The following SLC35F4 variants were observed in gnomAD, a reference collection of about 807,000 sequenced individuals.
The protein encoded by SLC35F4 is solute carrier family 35 member F4.
Under a neutral mutation model 44.2 loss-of-function variants are expected in SLC35F4, and 24 were observed. The ratio of observed to expected loss-of-function variants is 0.54; its 90% CI spans 0.39 to 0.76. The LOEUF is 0.76. SLC35F4 is among the 30% of genes least tolerant of loss of function. The pLI is 0.00. For synonymous variants in SLC35F4, 238 were observed against 223.6 expected (o/e 1.06, Z -0.57); for missense variants, 562 against 586.1 (o/e 0.96, Z 0.42).
Position 57,589,517 on chromosome 14 carries a change from G to T in SLC35F4, c.290-4C>A. 1.3e-6 allele frequency: 2 copies of T among 1,596,236 alleles called. No homozygotes were observed. The highest frequency in any genetic ancestry group is 1.7e-6 in the Non-Finnish European group (2 of 1,172,670). On this transcript the variant is annotated splice_region_variant and splice_polypyrimidine_tract_variant and intron_variant, in intron 2 of 7. Coordinates refer to ENST00000556826, the MANE Select transcript of SLC35F4 (RefSeq NM_001306087.2). ...TGAGTCTGTGTCCCATCGTCTGCTGGAAACAGGAAAGGAATACAAATGTGA... is the reference window on the plus strand; with the variant it reads ...TGAGTCTGTGTCCCATCGTCTGCTGTAAACAGGAAAGGAATACAAATGTGA...
intron 5 of SLC35F4, among the ~76,000 whole-genome samples, chr14:57,570,981 T>C (rs1190109): frequency 0.22 from 33,715 of 152,028 alleles, 3,908 homozygotes; most frequent in East Asian, 0.32. Context: ...TTTGTCAAGC[T>C]TGTCACACAG....
At chr14:57,577,065 C>T (rs756283818) in intron 4 of SLC35F4, among the ~76,000 whole-genome samples, 1 of 152,140 alleles carries the variant, frequency 6.6e-6, no homozygotes, top group African/African-American at 2.4e-5. Flanking sequence ...CATGGAAGCT[C>T]TGGGCAGAGA....
At chr14:57,677,747 T>C (rs72711176) in intron 1 of SLC35F4, among the ~76,000 whole-genome samples, 2,819 of 151,964 alleles carry the variant, frequency 0.019, 51 homozygotes, top group Non-Finnish European at 0.029. Flanking sequence ...AATGATACAC[T>C]GTGGAAAATA....
At chr14:57,964,985 A>T (rs968245437) in intron 1 of SLC35F4, among the ~76,000 whole-genome samples, 1,441 of 130,856 alleles carry the variant, frequency 0.011, 19 homozygotes, top group African/African-American at 0.037. Context: ...AAAAAAAAAA[A>T]AAAAAAATAT....
intron 1 of SLC35F4, among the ~76,000 whole-genome samples, chr14:57,875,037 G>A (rs888275472): frequency 6.6e-6 from 1 of 152,020 alleles, no homozygotes; most frequent in Non-Finnish European, 1.5e-5. Flanking sequence ...GTAAATGGAT[G>A]GAATTATATA....
intron 1 of SLC35F4, among the ~76,000 whole-genome samples, chr14:57,871,431 A>G (rs1313141301): frequency 6.6e-6 from 1 of 152,184 alleles, no homozygotes; most frequent in Non-Finnish European, 1.5e-5. Context: ...GATTTTTTTA[A>G]ACCCTTTTGA....
chr14:57,612,102 G>A (rs1443712198), intron 1 of SLC35F4, among the ~76,000 whole-genome samples: 1 of 152,162 alleles, frequency 6.6e-6, no homozygotes, highest in African/African-American at 2.4e-5. Flanking sequence ...ACCAAAGTTT[G>A]AGGCCAGATG....
intron 1 of SLC35F4, among the ~76,000 whole-genome samples, chr14:57,719,160 G>A (rs2076017564): frequency 6.6e-6 from 1 of 152,066 alleles, no homozygotes; most frequent in Non-Finnish European, 1.5e-5. Context: ...GTGTGGCTCT[G>A]TTTCTGGCTT....
chr14:57,945,348 T>A (rs1410457316), intron 1 of SLC35F4, among the ~76,000 whole-genome samples: 2 of 151,700 alleles, frequency 1.3e-5, no homozygotes, highest in African/African-American at 4.9e-5. Flanking sequence ...AGCTGCTGCC[T>A]AAGCGGAAAT....
chr14:57,631,419 G>T (rs190363964), intron 1 of SLC35F4, among the ~76,000 whole-genome samples: 323 of 152,102 alleles, frequency 2.1e-3, no homozygotes, highest in Non-Finnish European at 3.8e-3. Flanking sequence ...AAAGTTTAAG[G>T]GGCATTGTTG....
chr14:57,706,347 A>G (rs2075675852), intron 1 of SLC35F4, among the ~76,000 whole-genome samples: 1 of 152,202 alleles, frequency 6.6e-6, no homozygotes, highest in South Asian at 2.1e-4. Context: ...TCTATAGGAA[A>G]AAGCTGAAAA....
rs111837993 is a variant in SLC35F4, at chr14:57,708,068, C to T, written c.104-113944G>A. Among the ~76,000 whole-genome samples the T allele has an allele frequency of 2.6e-5, 4 of 152,304 alleles. 1 individual carries two copies. Among genetic ancestry groups the T allele is most frequent in the South Asian group, 2.1e-4 (1 of 4,826 alleles). On this transcript the variant is annotated intron_variant, in intron 1 of 7. Transcript: ENST00000556826. ...AGTTTAGGGATCGTGTAGCCTCTGG[C>T]TCCAAGAGTCTGAACCTCCCCCACT...
At position 57,657,988 on chromosome 14, in the gene SLC35F4, C is replaced by T. The variant is rs536485504; in HGVS notation, c.104-63864G>A. On this transcript the variant is annotated intron_variant, in intron 1 of 7. Coordinates refer to ENST00000556826, the MANE Select transcript of SLC35F4 (RefSeq NM_001306087.2). ...CTATTCACAGAATAATTTTGAGAAT[C>T]AAACGAGAATGTGCATAAAACATGT... 4.5e-4 allele frequency among the ~76,000 whole-genome samples: 68 copies of T among 152,250 alleles called. 1 individual carries two copies. The highest frequency in any genetic ancestry group is 6.8e-3 in the Middle Eastern group (2 of 294).
chr14:57,919,235 T>C (rs1331247124), intron 1 of SLC35F4, among the ~76,000 whole-genome samples: 5 of 152,236 alleles, frequency 3.3e-5, no homozygotes, highest in Non-Finnish European at 5.9e-5. Flanking sequence ...ACTTTTACTA[T>C]GTTAAGCCAC....
At chr14:57,872,653 G>T (rs1342365607) in intron 1 of SLC35F4, among the ~76,000 whole-genome samples, 2 of 152,164 alleles carry the variant, frequency 1.3e-5, no homozygotes, top group Non-Finnish European at 2.9e-5. Flanking sequence ...GGGGACAGAT[G>T]TAACACTGGG....
At chr14:57,582,854 G>A (rs1485727590) in intron 3 of SLC35F4, among the ~76,000 whole-genome samples, 1 of 152,142 alleles carries the variant, frequency 6.6e-6, no homozygotes, top group Admixed American at 6.5e-5. Flanking sequence ...CCCAAAAAAG[G>A]ACCACGTGGA....
intron 1 of SLC35F4, among the ~76,000 whole-genome samples, chr14:57,820,260 C>T (rs1166674345): frequency 1.3e-5 from 2 of 152,176 alleles, no homozygotes; most frequent in East Asian, 1.9e-4. Context: ...GACTAGCACA[C>T]TGTTCAGCCC....
chr14:57,886,272 C>A (rs184961492), intron 1 of SLC35F4, among the ~76,000 whole-genome samples: 1 of 152,288 alleles, frequency 6.6e-6, no homozygotes, highest in Admixed American at 6.5e-5. Flanking sequence ...CTAGGTGTAG[C>A]TTATCTGAAT....
Position 57,952,459 on chromosome 14 carries a change from G to T in SLC35F4, n.282+29454C>A, listed in dbSNP as rs567967324. Among the ~76,000 whole-genome samples the T allele has an allele frequency of 1.4e-4, 22 of 152,168 alleles. No homozygotes were observed. In the South Asian group the frequency reaches 4.6e-3, roughly 32 times the overall value. ...GAGTTTGACTAATTGGCAGAAGTAGGCTTCAGAAGATGGGTAATAACAAAC... is the reference window on the plus strand; with the variant it reads ...GAGTTTGACTAATTGGCAGAAGTAGTCTTCAGAAGATGGGTAATAACAAAC... On this transcript the variant is annotated intron_variant and non_coding_transcript_variant, in intron 1 of 1. Coordinates refer to the SLC35F4 transcript ENST00000556568.
Sources: allele counts gnomAD v4.1 joint callset (sites outside exome capture counted in the v4.1 genomes callset), GRCh38; gene constraint gnomAD v4.1.1; transcripts MANE v1.5; gene names NCBI Gene and HGNC (gene_info 2026-07-23, HGNC 2026-07-21).